The following SKIC3 variants were observed in gnomAD, a reference collection of about 807,000 sequenced individuals.
SKIC3 encodes the protein superkiller complex protein 3.
chr5:95,516,986 T>C, the SKIC3 span: 1 of 1,613,510 alleles, frequency 6.2e-7, no homozygotes. Flanking sequence ...ATGTTGTGCT[T>C]GGCGATAATA....
At chr5:95,518,260 C>A in the SKIC3 span, among the ~76,000 whole-genome samples, 45 of 152,088 alleles carry the variant, frequency 3.0e-4, no homozygotes, top group Admixed American at 1.5e-3. Flanking sequence ...GTGATCAGAT[C>A]AGGGTAATTA....
chr5:95,479,675 TTGTGTGTGTG>T, the SKIC3 span, among the ~76,000 whole-genome samples: 27 of 144,086 alleles, frequency 1.9e-4, no homozygotes, highest in South Asian at 9.0e-4. Context: ...GGAAAAAACA[TTGTGTGTGTG>T]TGTGTGTGTG....
chr5:95,481,107 T>G, the SKIC3 span, among the ~76,000 whole-genome samples: 1 of 152,086 alleles, frequency 6.6e-6, no homozygotes, highest in African/African-American at 2.4e-5. Context: ...CCTTGTGAAT[T>G]ATATCATAAT....
chr5:95,552,845 A>T, the SKIC3 span, among the ~76,000 whole-genome samples: 1 of 152,068 alleles, frequency 6.6e-6, no homozygotes, highest in East Asian at 1.9e-4. Context: ...AGCTGAAGAA[A>T]CTGGGGACTA....
chr5:95,491,103 A>T, the SKIC3 span: 1 of 1,597,048 alleles, frequency 6.3e-7, no homozygotes, highest in Non-Finnish European at 8.5e-7. Flanking sequence ...AACTATCAAA[A>T]ATGAGATTAA....
chr5:95,492,636 C>CAAAAAAAA, the SKIC3 span, among the ~76,000 whole-genome samples: 6 of 14,124 alleles, frequency 4.2e-4, no homozygotes, highest in Non-Finnish European at 9.7e-4. Flanking sequence ...GACTCCGTCT[C>CAAAAAAAA]AAAAAAAAAA....
chr5:95,543,351 G>A, the SKIC3 span: 1 of 1,612,418 alleles, frequency 6.2e-7, no homozygotes, highest in South Asian at 1.1e-5. Context: ...AATTAAAAGA[G>A]TAGGTTAGTA....
the SKIC3 span, among the ~76,000 whole-genome samples, chr5:95,528,637 T>C: frequency 6.6e-6 from 1 of 152,084 alleles, no homozygotes; most frequent in Non-Finnish European, 1.5e-5. Flanking sequence ...CACATTCAAA[T>C]AGGCTCCAAG....
At chr5:95,541,070 A>G in the SKIC3 span, among the ~76,000 whole-genome samples, 1 of 152,098 alleles carries the variant, frequency 6.6e-6, no homozygotes, top group Non-Finnish European at 1.5e-5. Flanking sequence ...GGGTTGAAGC[A>G]ATTCTCCTGC....
the SKIC3 span, among the ~76,000 whole-genome samples, chr5:95,511,598 C>A: frequency 2.6e-5 from 4 of 152,132 alleles, no homozygotes; most frequent in African/African-American, 9.7e-5. Flanking sequence ...CATTTTCTCT[C>A]CTGTTTTTCA....
At chr5:95,523,383 G>A in the SKIC3 span, 85 of 1,536,754 alleles carry the variant, frequency 5.5e-5, 1 homozygote, top group South Asian at 6.1e-4. Context: ...AAGACAGAAC[G>A]CTCATGTAAA....
the SKIC3 span, chr5:95,507,054 C>A: frequency 6.5e-7 from 1 of 1,547,544 alleles, no homozygotes; most frequent in South Asian, 1.1e-5. Context: ...TGTGCAATAG[C>A]ATTCTGTTAC....
At chr5:95,493,136 C>T in the SKIC3 span, among the ~76,000 whole-genome samples, 1 of 152,180 alleles carries the variant, frequency 6.6e-6, no homozygotes, top group Non-Finnish European at 1.5e-5. Context: ...GGAATAGCAT[C>T]TATCAAAACT....
At chr5:95,498,658 C>A in the SKIC3 span, 6 of 1,418,108 alleles carry the variant, frequency 4.2e-6, no homozygotes, top group Non-Finnish European at 5.8e-6. Context: ...CGGAGTCTCG[C>A]TCTGTCGCCC....
chr5:95,482,452 G>A, the SKIC3 span: 2 of 1,611,690 alleles, frequency 1.2e-6, no homozygotes, highest in African/African-American at 1.3e-5. Context: ...GAGGACTCAA[G>A]TAAGAAAGGA....
At chr5:95,541,899 G>T in the SKIC3 span, 1 of 1,609,988 alleles carries the variant, frequency 6.2e-7, no homozygotes, top group Non-Finnish European at 8.5e-7. Flanking sequence ...ATACAAGTTT[G>T]CTAACCCCTA....
At chr5:95,532,653 G>A in the SKIC3 span, among the ~76,000 whole-genome samples, 3 of 152,126 alleles carry the variant, frequency 2.0e-5, no homozygotes, top group African/African-American at 7.2e-5. Flanking sequence ...CAAATGAATA[G>A]AAAATCATTT....
At chr5:95,535,555 C>G in the SKIC3 span, among the ~76,000 whole-genome samples, 1 of 151,900 alleles carries the variant, frequency 6.6e-6, no homozygotes, top group East Asian at 1.9e-4. Context: ...CGTGATCCGC[C>G]TGCCTCGGCC....
chr5:95,515,566 T>A, the SKIC3 span, among the ~76,000 whole-genome samples: 7 of 152,090 alleles, frequency 4.6e-5, no homozygotes, highest in African/African-American at 1.7e-4. Flanking sequence ...GCAAAAACTA[T>A]CCCATGCTAC....
Sources: gnomAD v4.1 joint callset for allele counts (sites outside exome capture counted in the v4.1 genomes callset) on GRCh38, gnomAD v4.1.1 for gene constraint, MANE v1.5 for transcripts, NCBI Gene and HGNC (gene_info 2026-07-23, HGNC 2026-07-21) for gene names.